Variants in MALSU1 observed in about 807,000 individuals in gnomAD.
MALSU1 encodes the protein mitochondrial assembly of ribosomal large subunit 1.
In MALSU1, 22 loss-of-function variants were observed where a neutral mutation model predicts 22.1. The ratio of observed to expected loss-of-function variants is 1.00; its 90% confidence interval spans 0.71 to 1.42. The LOEUF (loss-of-function observed/expected upper bound fraction) is 1.42, where lower values mean the gene tolerates loss of function less well. Ranked by LOEUF, MALSU1 falls within the 40% of genes most tolerant of loss-of-function variation. The pLI is 0.00. For missense variants in MALSU1, 379 were observed against 308.3 expected (o/e 1.23, Z -1.72); for synonymous variants, 153 against 118.5 (o/e 1.29, Z -1.89).
intron 2 of MALSU1, among the ~76,000 whole-genome samples, chr7:23,307,189 C>CTGAAATGAA (rs1381702771): frequency 6.6e-6 from 1 of 152,156 alleles, no homozygotes; most frequent in East Asian, 1.9e-4. Flanking sequence ...TCTCTAAAAT[C>CTGAAATGAA]AGTAGTGTCA....
In MALSU1 at chr7:23,299,367, C is replaced by A. The variant is rs575849724; in HGVS notation, c.15C>A (p.Gly5=). 1.9e-6 allele frequency: 3 copies of A among 1,581,378 alleles called. No homozygotes were observed. Among genetic ancestry groups the A allele is most frequent in the African/African-American group, 2.7e-5 (2 of 74,474 alleles). The change falls in exon 1 of 4, where the codon GGC becomes GGA. Residue 5 remains glycine (G), a synonymous_variant. Transcript: ENST00000466681. MGPG[G]RVARLLAPLM... is the part of the protein sequence containing the mutation. Reference sequence around the variant, plus strand: ...AGGCTGCTGCTATGGGGCCGGGCGGCCGTGTGGCGCGGCTGCTCGCCCCAC... The same window carrying A: ...AGGCTGCTGCTATGGGGCCGGGCGGACGTGTGGCGCGGCTGCTCGCCCCAC...
rs561473674 is a variant in MALSU1 at position 23,310,355 on chromosome 7, C to T, written c.*812C>T. The T allele has an allele frequency of 1.3e-5, 2 of 152,312 alleles. No homozygotes were observed. The highest frequency in any genetic ancestry group is 4.8e-5 in the African/African-American group (2 of 41,574). The allele number at this position is 152,312 out of a possible 1,614,324, so 9.4% of individuals were successfully genotyped here. ...ATTATTTCTTAGCTAGTACCAGATACTCCAAATTACAAATGCTTAAGTAAA... is the reference window on the plus strand; with the variant it reads ...ATTATTTCTTAGCTAGTACCAGATATTCCAAATTACAAATGCTTAAGTAAA... On this transcript the variant is annotated 3_prime_UTR_variant, in exon 4 of 4. Transcript: ENST00000466681.
intron 2 of MALSU1, among the ~76,000 whole-genome samples, chr7:23,306,470 C>G (rs1347636940): frequency 3.3e-5 from 5 of 151,214 alleles, no homozygotes; most frequent in Non-Finnish European, 5.9e-5. Context: ...CTAGAACTTC[C>G]AATACTGTGT....
intron 2 of MALSU1, among the ~76,000 whole-genome samples, chr7:23,306,965 T>C (rs1217061577): frequency 1.3e-5 from 2 of 152,206 alleles, no homozygotes; most frequent in Non-Finnish European, 2.9e-5. Context: ...GTTTAAATAT[T>C]TGGTAAAACT....
rs1254579902 is a variant in MALSU1, at chr7:23,311,562, T to C, written c.*2019T>C. The C allele has an allele frequency of 2.6e-5, 4 of 152,354 alleles. No homozygotes were observed. 9.4% of individuals were successfully genotyped at this position (152,354 alleles called of 1,614,324 possible). ...AGATACTAGGCACTGCTCCGTATTT[T>C]TGAACATTTGATTTAACTAATAACT... On this transcript the variant is annotated 3_prime_UTR_variant, in exon 4 of 4. Transcript: ENST00000466681.
chr7:23,301,109 A>G, intron 2 of MALSU1, 92 bp downstream of exon 2: 2 of 1,220,224 alleles, frequency 1.6e-6, no homozygotes, highest in South Asian at 1.6e-5. Context: ...GGGTAAACCC[A>G]TCATACAAAG....
chr7:23,309,505 A>ACTT lies in MALSU1; in HGVS notation c.669_671dup (p.Ser225dup), dbSNP rs1175440384. 4 of 1,609,790 alleles carry ACTT rather than the reference A, an allele frequency of 2.5e-6. No individual in the cohort carries two copies. The Admixed American group carries it at 5.1e-5, about 20-fold the overall frequency. ...CTTCATTCTTGGAATAGAAGATGAT[A>ACTT]CTTCATCTGTGACTCCAGTGGAGTT... On this transcript the variant is annotated inframe_insertion, in exon 4 of 4. Transcript: ENST00000466681.
At position 23,306,054 on chromosome 7, in the gene MALSU1, C is replaced by T. The variant is rs554651603; in HGVS notation, c.436-1814C>T. Among the ~76,000 whole-genome samples the T allele has an allele frequency of 8.5e-5, 13 of 152,190 alleles. No homozygotes were observed. The South Asian group carries it at 1.9e-3, about 22-fold the overall frequency. ...TACTGAAAATACAAAATTAGCCGGG[C>T]GTGGTGGCGCATGCCTGTAATCCCG... On this transcript the variant is annotated intron_variant, in intron 2 of 3. Coordinates refer to ENST00000466681, the MANE Select transcript of MALSU1 (RefSeq NM_138446.2).
chr7:23,309,339 T>TTATC lies in MALSU1; in HGVS notation c.518-15_518-12dup, dbSNP rs1195966580. On this transcript the variant is annotated splice_polypyrimidine_tract_variant and intron_variant, in intron 3 of 3. Coordinates refer to ENST00000466681, the MANE Select transcript of MALSU1 (RefSeq NM_138446.2). ...ATGAACTATTCCTTCATTGTATCTC[T>TTATC]TATCTGTCCCTGACAGGCAGCATGG... The TTATC allele has an allele frequency of 6.3e-7, 1 of 1,597,014 alleles. No individual in the cohort carries two copies. The highest frequency in any genetic ancestry group is 1.8e-5 in the Admixed American group (1 of 56,568).
At chr7:23,301,631 C>CA (rs1783650155) in intron 2 of MALSU1, among the ~76,000 whole-genome samples, 1 of 152,150 alleles carries the variant, frequency 6.6e-6, no homozygotes. Context: ...AGGCACTATC[C>CA]ATTACGGTAG....
intron 2 of MALSU1, among the ~76,000 whole-genome samples, chr7:23,307,517 C>A (rs1163797000): frequency 6.6e-6 from 1 of 152,134 alleles, no homozygotes; most frequent in Non-Finnish European, 1.5e-5. Context: ...GTAGTATCTG[C>A]AGCCCCTAAA....
chr7:23,307,792 A>G, intron 2 of MALSU1, 76 bp from the exon 3 acceptor site: 1 of 584,772 alleles, frequency 1.7e-6, no homozygotes, highest in Non-Finnish European at 2.8e-6. Context: ...ACAAACAAAC[A>G]AAAAAAAAAG....
intron 2 of MALSU1, among the ~76,000 whole-genome samples, chr7:23,303,320 T>C (rs1345208943): frequency 6.6e-6 from 1 of 152,240 alleles, no homozygotes; most frequent in Non-Finnish European, 1.5e-5. Context: ...CTTAGCATAA[T>C]GTCTTCAAGG....
At position 23,311,637 on chromosome 7, in the gene MALSU1, C is replaced by G. The variant is rs979090567; in HGVS notation, c.*2094C>G. ...GAAATTAATTTTCCAGCTTTACTGT[C>G]ACCAGCCAGAAGTAAAAATCTTAAT... On this transcript the variant is annotated 3_prime_UTR_variant, in exon 4 of 4. Transcript: ENST00000466681. 30 of 152,434 alleles carry G rather than the reference C, an allele frequency of 2.0e-4. No individual in the cohort carries two copies. The highest frequency in any genetic ancestry group is 7.2e-4 in the African/African-American group (30 of 41,432). The allele number at this position is 152,434 out of a possible 1,614,324, so 9.4% of individuals were successfully genotyped here.
rs935220473 is a variant in MALSU1 at position 23,306,948 on chromosome 7, C to T, written c.436-920C>T. The stretch of plus-strand genomic sequence containing the variant: ...TTTTTTGGGGAGAATTTGAGTATTG[C>T]ATTCTTGTTTAAATATTTGGTAAAA... On this transcript the variant is annotated intron_variant, in intron 2 of 3. Transcript: ENST00000466681. 2.0e-5 allele frequency among the ~76,000 whole-genome samples: 3 copies of T among 152,194 alleles called. No homozygotes were observed. The South Asian group carries it at 6.2e-4, about 32-fold the overall frequency.
At position 23,299,393 on chromosome 7, in the gene MALSU1, T is replaced by A; in HGVS notation, c.41T>A (p.Leu14Gln). The A allele has an allele frequency of 6.3e-7, 1 of 1,596,854 alleles. No individual in the cohort carries two copies. The highest frequency in any genetic ancestry group is 1.7e-5 in the Admixed American group (1 of 59,688). ...GGRVARLLAP[L>Q]MWRRAVSSVA... is the part of the protein sequence containing the mutation. ...CGTGTGGCGCGGCTGCTCGCCCCACTAATGTGGCGCAGGGCGGTTTCCTCG... is the reference window on the plus strand; with the variant it reads ...CGTGTGGCGCGGCTGCTCGCCCCACAAATGTGGCGCAGGGCGGTTTCCTCG... The change falls in exon 1 of 4, where the codon CTA becomes CAA. Residue 14 changes from leucine (L) to glutamine (Q), a missense_variant. Leu to Gln is a moderately radical substitution (Grantham distance 113, BLOSUM62 -2). Coordinates refer to ENST00000466681, the MANE Select transcript of MALSU1 (RefSeq NM_138446.2).
At chr7:23,307,823 T>C in intron 2 of MALSU1, 45 bp from the exon 3 acceptor site, 1 of 1,258,654 alleles carries the variant, frequency 7.9e-7, no homozygotes, top group Non-Finnish European at 1.1e-6. Flanking sequence ...AGAACAGGCT[T>C]CCCCCATCCC....
At chr7:23,300,718 T>A in intron 1 of MALSU1, 121 bp from the exon 2 acceptor site, 2 of 826,940 alleles carry the variant, frequency 2.4e-6, no homozygotes, top group Admixed American at 2.3e-5. Flanking sequence ...CCCTGCTATC[T>A]GTAAAAACAC....
chr7:23,306,473 T>C (rs2128489405), intron 2 of MALSU1, among the ~76,000 whole-genome samples: 1 of 151,914 alleles, frequency 6.6e-6, no homozygotes, highest in Admixed American at 6.5e-5. Flanking sequence ...GAACTTCCAA[T>C]ACTGTGTTGA....
Sources: allele counts gnomAD v4.1 joint callset (sites outside exome capture counted in the v4.1 genomes callset), GRCh38; gene constraint gnomAD v4.1.1; transcripts MANE v1.5; gene names NCBI Gene and HGNC (gene_info 2026-07-23, HGNC 2026-07-21).